GPATCH2L: variants seen among roughly 807,000 people sequenced by gnomAD.
The protein encoded by GPATCH2L is G patch domain-containing protein 2-like.
A neutral mutation model predicts 57.4 loss-of-function variants in GPATCH2L; 31 were observed. The observed-to-expected ratio is 0.54, with a 90% CI of 0.41 to 0.73. The LOEUF (loss-of-function observed/expected upper bound fraction) is 0.73. Among genes scored for constraint, GPATCH2L ranks in the 30% least tolerant of loss-of-function variants. The pLI is 0.00. For synonymous variants in GPATCH2L, 199 were observed against 210.7 expected (o/e 0.94, Z 0.48); for missense variants, 481 against 599.9 (o/e 0.80, Z 2.07).
intron 3 of GPATCH2L, among the ~76,000 whole-genome samples, chr14:76,170,426 A>G (rs1566784276): frequency 1.3e-5 from 2 of 152,234 alleles, no homozygotes; most frequent in Non-Finnish European, 1.5e-5. Flanking sequence ...AAACTGAGAT[A>G]CTATCACTAT....
chr14:76,226,903 A>G (rs2040538612), intron 1 of GPATCH2L, among the ~76,000 whole-genome samples: 1 of 152,208 alleles, frequency 6.6e-6, no homozygotes. Flanking sequence ...ATGATTGTGC[A>G]TTTTTCTGGA....
Position 76,180,952 on chromosome 14 carries a change from A to G in GPATCH2L, c.1193+103A>G, listed in dbSNP as rs536294208. On this transcript the variant is annotated intron_variant, in intron 8 of 9. Transcript: ENST00000261530. Reference sequence around the variant, plus strand: ...ATGCTTGTGTACAGTATCCAATTTGATCCTGACAATCTTTTGAGGTAAATA... The same window carrying G: ...ATGCTTGTGTACAGTATCCAATTTGGTCCTGACAATCTTTTGAGGTAAATA... 53 of 720,910 alleles carry G rather than the reference A, an allele frequency of 7.4e-5. No individual in the cohort carries two copies. In the African/African-American group the frequency reaches 8.3e-4, roughly 11 times the overall value. 44.7% of individuals were successfully genotyped at this position (720,910 alleles called of 1,614,324 possible). A position where few individuals can be genotyped will look rare whatever the true frequency, so the allele number is the denominator to read the frequency against.
chr14:76,153,195 A>T (rs2038136629), intron 1 of GPATCH2L, among the ~76,000 whole-genome samples: 1 of 152,256 alleles, frequency 6.6e-6, no homozygotes, highest in African/African-American at 2.4e-5. Context: ...GCCCTTTGCA[A>T]AGTGAAAACT....
At chr14:76,200,088 T>C (rs977878524) in intron 9 of GPATCH2L, among the ~76,000 whole-genome samples, 2 of 152,194 alleles carry the variant, frequency 1.3e-5, no homozygotes, top group African/African-American at 4.8e-5. Flanking sequence ...AAATATTGTG[T>C]GATTCCACTT....
intron 3 of GPATCH2L, among the ~76,000 whole-genome samples, chr14:76,171,107 A>G (rs2039060774): frequency 6.6e-6 from 1 of 152,178 alleles, no homozygotes; most frequent in Admixed American, 6.5e-5. Context: ...TCCAGTTTTC[A>G]TTGTAAAATG....
At chr14:76,195,229 A>G (rs1291885623) in intron 8 of GPATCH2L, among the ~76,000 whole-genome samples, 3 of 152,220 alleles carry the variant, frequency 2.0e-5, no homozygotes, top group Non-Finnish European at 4.4e-5. Context: ...GGTGAACTAA[A>G]ATAGCATACC....
At chr14:76,189,741 GT>G (rs1292329374) in intron 8 of GPATCH2L, among the ~76,000 whole-genome samples, 4 of 152,054 alleles carry the variant, frequency 2.6e-5, no homozygotes, top group Non-Finnish European at 5.9e-5. Flanking sequence ...CCTAAATTGA[GT>G]AACAGTGGTG....
In GPATCH2L at chr14:76,212,056, T is replaced by C. The variant is rs908246889; in HGVS notation, c.*10205T>C. 1.3e-5 allele frequency: 2 copies of C among 152,092 alleles called. No individual in the cohort carries two copies. Among genetic ancestry groups the C allele is most frequent in the African/African-American group, 4.8e-5 (2 of 41,406 alleles). 9.4% of individuals were successfully genotyped at this position (152,092 alleles called of 1,614,324 possible). On this transcript the variant is annotated 3_prime_UTR_variant, in exon 10 of 10. Transcript: ENST00000261530. ...GCTCATAGTAGAGAATTAAGGTATATTGACTAGTGAAATAGAGGATTATGG... is the reference window on the plus strand; with the variant it reads ...GCTCATAGTAGAGAATTAAGGTATACTGACTAGTGAAATAGAGGATTATGG...
intron 3 of GPATCH2L, among the ~76,000 whole-genome samples, chr14:76,167,776 C>G (rs1438283157): frequency 6.6e-6 from 1 of 152,128 alleles, no homozygotes; most frequent in East Asian, 1.9e-4. Flanking sequence ...TAGGCTGTAA[C>G]TAGAGTTTTG....
intron 3 of GPATCH2L, 92 bp downstream of exon 3, chr14:76,166,819 G>C (rs2038863495): frequency 1.1e-6 from 1 of 888,094 alleles, no homozygotes; most frequent in Admixed American, 2.0e-5. Context: ...TATGGTGACT[G>C]TCTATGGCAG....
intron 1 of GPATCH2L, among the ~76,000 whole-genome samples, chr14:76,219,581 G>A (rs191560138): frequency 4.6e-5 from 7 of 152,186 alleles, no homozygotes; most frequent in African/African-American, 1.2e-4. Context: ...GTGAAATAAC[G>A]TATGTCAACA....
intron 2 of GPATCH2L, among the ~76,000 whole-genome samples, chr14:76,232,130 T>C (rs1349161761): frequency 6.6e-6 from 1 of 152,094 alleles, no homozygotes; most frequent in African/African-American, 2.4e-5. Context: ...TAGGCTGGTG[T>C]TGAACTCTTG....
intron 2 of GPATCH2L, among the ~76,000 whole-genome samples, chr14:76,232,024 G>GCAGGCTCC (rs2040573491): frequency 5.7e-4 from 1 of 1,760 alleles, no homozygotes; most frequent in South Asian, 0.013. Context: ...CAATCTTCCT[G>GCAGGCTCC]CTTCAGCCCT....
At chr14:76,158,886 T>TATGATA (rs2038436644) in intron 2 of GPATCH2L, among the ~76,000 whole-genome samples, 1 of 152,180 alleles carries the variant, frequency 6.6e-6, no homozygotes, top group African/African-American at 2.4e-5. Context: ...TGAAGGTCTA[T>TATGATA]CTCTTGAAAG....
At chr14:76,164,103 C>T (rs1056664370) in intron 2 of GPATCH2L, among the ~76,000 whole-genome samples, 1 of 152,102 alleles carries the variant, frequency 6.6e-6, no homozygotes, top group African/African-American at 2.4e-5. Flanking sequence ...GAGGCCCTGG[C>T]CCAGCCCTGG....
chr14:76,197,389 G>A (rs1402445535), intron 9 of GPATCH2L, among the ~76,000 whole-genome samples: 4 of 152,160 alleles, frequency 2.6e-5, no homozygotes, highest in Non-Finnish European at 5.9e-5. Flanking sequence ...ACTGGAAAGA[G>A]TTTAAAATCC....
At chr14:76,184,937 G>C (rs2039709600) in intron 8 of GPATCH2L, among the ~76,000 whole-genome samples, 1 of 152,202 alleles carries the variant, frequency 6.6e-6, no homozygotes, top group Non-Finnish European at 1.5e-5. Context: ...TTTTGTGACT[G>C]GTGCTTTGTA....
At chr14:76,222,971 A>AG (rs1210456462) in intron 1 of GPATCH2L, among the ~76,000 whole-genome samples, 1 of 148,978 alleles carries the variant, frequency 6.7e-6, no homozygotes, top group Non-Finnish European at 1.5e-5. Flanking sequence ...AAAAAAAAAA[A>AG]GAAAGAAAAA....
intron 2 of GPATCH2L, among the ~76,000 whole-genome samples, chr14:76,159,450 T>C (rs1229785118): frequency 2.0e-5 from 3 of 152,170 alleles, no homozygotes; most frequent in South Asian, 2.1e-4. Flanking sequence ...CCCGTGGACA[T>C]AGGTAACTGC....
Sources: allele counts gnomAD v4.1 joint callset (sites outside exome capture counted in the v4.1 genomes callset), GRCh38; gene constraint gnomAD v4.1.1; transcripts MANE v1.5; gene names NCBI Gene and HGNC (gene_info 2026-07-23, HGNC 2026-07-21).